Variants in CUL7 observed in about 807,000 individuals in gnomAD.
The protein encoded by CUL7 is cullin 7, also known as cullin-7.
Under a neutral mutation model 177.7 loss-of-function variants are expected in CUL7, and 96 were observed. The ratio of observed to expected loss-of-function variants is 0.54; its 90% CI spans 0.46 to 0.64. The LOEUF (loss-of-function observed/expected upper bound fraction) is 0.64. Ranked by LOEUF, CUL7 falls within the 30% of genes least tolerant of loss-of-function variation. The pLI is 0.00. For missense variants in CUL7, 1,893 were observed against 2,187.9 expected (o/e 0.87, Z 2.69); for synonymous variants, 824 against 890.2 (o/e 0.93, Z 1.32).
rs1287646028 is a variant in CUL7 at position 43,053,527 on chromosome 6, C to T, written c.-9+95G>A. On this transcript the variant is annotated intron_variant, in intron 1 of 25. Coordinates refer to ENST00000265348, the MANE Select transcript of CUL7 (RefSeq NM_014780.5). The surrounding 1 kb of genome is among the most constrained non-coding windows in gnomAD (Gnocchi z 4.1). ...CCCCATAAGCTAGAACCCCGAGGCACGGTAGGATGGGGACCGAGGTTGGGT... is the reference window on the plus strand; with the variant it reads ...CCCCATAAGCTAGAACCCCGAGGCATGGTAGGATGGGGACCGAGGTTGGGT... The T allele has an allele frequency of 1.2e-5, 10 of 842,372 alleles. No homozygotes were observed. Among genetic ancestry groups the T allele is most frequent in the South Asian group, 2.9e-5 (1 of 34,738 alleles). The allele number at this position is 842,372 out of a possible 1,614,324, so 52.2% of individuals were successfully genotyped here. A position where few individuals can be genotyped will look rare whatever the true frequency, so the allele number is the denominator to read the frequency against.
chr6:43,040,662 G>T lies in CUL7; in HGVS notation c.3891C>A (p.Pro1297=), dbSNP rs752779363. ...GCAACATCTGCTGGGGGAGGCGGTT[G>T]GGGAAGCAGGGACCGATCTGCTCCA... ...AVLEQIGPCF[P]NRLPQQMLQS... is the part of the protein sequence containing the mutation. Residue 1297 remains proline, a synonymous_variant, in exon 21 of 26, where the codon CCC becomes CCA. Coordinates refer to ENST00000265348, the MANE Select transcript of CUL7 (RefSeq NM_014780.5). The surrounding 1 kb of genome is among the most constrained non-coding windows in gnomAD (Gnocchi z 4.2). The T allele has an allele frequency of 6.2e-7, 1 of 1,614,194 alleles. No individual in the cohort carries two copies. Among genetic ancestry groups the T allele is most frequent in the Admixed American group, 1.7e-5 (1 of 60,024 alleles).
intron 19 of CUL7, among the ~76,000 whole-genome samples, chr6:43,042,148 GAGAA>G (rs886272487): frequency 2.0e-5 from 3 of 151,556 alleles, no homozygotes; most frequent in Non-Finnish European, 4.4e-5. Flanking sequence ...GGCAGGAAGG[GAGAA>G]AGAGAGAGAG....
chr6:43,046,542 G>T lies in CUL7; in HGVS notation c.2457C>A (p.Phe819Leu), dbSNP rs1232606103. ...RRTHQPINIPFFDVFLRYLCQ... is the reference protein window; with the variant it reads ...RRTHQPINIPLFDVFLRYLCQ... Reference sequence around the variant, plus strand: ...ACAGGTATCTGAGGAACACATCAAAGAAAGGGATGTTGATGGGTTGGTGGG... The same window carrying T: ...ACAGGTATCTGAGGAACACATCAAATAAAGGGATGTTGATGGGTTGGTGGG... The change falls in exon 11 of 26, where the codon TTC (phenylalanine) becomes TTA (leucine). Residue 819 changes from phenylalanine (F) to leucine (L), a missense_variant. Physicochemically the swap from Phe to Leu is conservative, Grantham distance 22. This residue lies in a region of CUL7 where 973 missense variants were observed against 1,140.9 expected (regional missense o/e 0.85). Coordinates refer to ENST00000265348, the MANE Select transcript of CUL7 (RefSeq NM_014780.5). 6.2e-7 allele frequency: 1 copy of T among 1,614,206 alleles called. No individual in the cohort carries two copies. Among genetic ancestry groups the T allele is most frequent in the Non-Finnish European group, 8.5e-7 (1 of 1,180,034 alleles).
At position 43,048,244 on chromosome 6, in the gene CUL7, C is replaced by T. The variant is rs985491922; in HGVS notation, c.2073G>A (p.Lys691=). The T allele has an allele frequency of 6.2e-7, 1 of 1,613,640 alleles. No individual in the cohort carries two copies. Among genetic ancestry groups the T allele is most frequent in the East Asian group, 2.2e-5 (1 of 44,878 alleles). ...GTGCCTCGGGGAAGTCCACCAGCTG[C>T]TTCAGGATTCTGGGGGCAGAGAAAT... ...TLHLTVLRIL[K]QLVDFPEALL... Residue 691 remains lysine (K), a synonymous_variant, in exon 9 of 26, where the codon AAG becomes AAA. Coordinates refer to ENST00000265348, the MANE Select transcript of CUL7 (RefSeq NM_014780.5).
chr6:43,041,481 G>A (rs768497823), intron 19 of CUL7, among the ~76,000 whole-genome samples: 4 of 151,994 alleles, frequency 2.6e-5, no homozygotes, highest in Admixed American at 2.0e-4. Flanking sequence ...GGTGGCACAC[G>A]CCTATGGTCC....
Position 43,048,580 on chromosome 6 carries a change from G to A in CUL7, c.1826-11C>T. 1 of 1,600,310 alleles carries A rather than the reference G, an allele frequency of 6.2e-7. No individual in the cohort carries two copies. The highest frequency in any genetic ancestry group is 8.6e-7 in the Non-Finnish European group (1 of 1,167,568). ...ATGGGGGTTCTTTTGCTACAGGAAG[G>A]GGACAGTCACAGGAGTTGGCCATTG... On this transcript the variant is annotated splice_polypyrimidine_tract_variant and intron_variant, in intron 7 of 25. Coordinates refer to ENST00000265348, the MANE Select transcript of CUL7 (RefSeq NM_014780.5).
chr6:43,040,355 C>G lies in CUL7; in HGVS notation c.4095G>C (p.Val1365=). ...CTTCCTCCTCTCCCTCCGCCACATCCACCACTGCTGCTGCCCCAGCTTCCT... is the reference window on the plus strand; with the variant it reads ...CTTCCTCCTCTCCCTCCGCCACATCGACCACTGCTGCTGCCCCAGCTTCCT... ...KEEEAGAAAV[V]DVAEGEEEEE... is the part of the protein sequence containing the mutation. The change falls in exon 22 of 26, where the codon GTG becomes GTC. Residue 1365 remains valine, a synonymous_variant. Transcript: ENST00000265348. This position sits in a 1 kb window ranked among gnomAD's most constrained non-coding sequence, Gnocchi z 4.2. 1 of 1,613,740 alleles carries G rather than the reference C, an allele frequency of 6.2e-7. No individual in the cohort carries two copies.
rs781604041 is a variant in CUL7 at position 43,038,058 on chromosome 6, C to A, written c.4774-47G>T. ...GAAGCGGTAGTTTAGAGGCAGCTGA[C>A]CCCTCCTTGCTTGAGCTTCCACTCC... On this transcript the variant is annotated intron_variant, in intron 25 of 25. Transcript: ENST00000265348. 6.4e-6 allele frequency: 10 copies of A among 1,556,106 alleles called. No homozygotes were observed. The African/African-American group carries it at 1.4e-4, about 21-fold the overall frequency.
chr6:43,038,286 A>G lies in CUL7; in HGVS notation c.4754T>C (p.Ile1585Thr). The G allele has an allele frequency of 2.5e-6, 4 of 1,614,126 alleles. No homozygotes were observed. The highest frequency in any genetic ancestry group is 2.2e-5 in the East Asian group (1 of 44,888). Residue 1585 changes from isoleucine to threonine, a missense_variant, in exon 25 of 26, where the codon ATT becomes ACT. Ile to Thr is a moderately conservative substitution (Grantham distance 89). Around this residue, in one of 5 missense-constraint regions of CUL7, gnomAD observed 248 missense variants for 262.5 expected, o/e 0.94. Transcript: ENST00000265348. ...LKAHGDEGLH[I>T]DQLVCLVLEA... ...GCCTACCAGACAGACAAGCTGGTCA[A>G]TGTGCAGCCCCTCATCTCCATGGGC...
At position 43,046,898 on chromosome 6, in the gene CUL7, G is replaced by A. The variant is rs1763962330; in HGVS notation, c.2379C>T (p.Ile793=). The A allele has an allele frequency of 3.7e-6, 6 of 1,605,312 alleles. No homozygotes were observed. The highest frequency in any genetic ancestry group is 5.1e-6 in the Non-Finnish European group (6 of 1,172,048). ...AHLYRKLITN[I]LGGCIQMVLG... ...TCCTGACCTGGATGCAGCCTCCCAGGATGTTGGTGATGAGTTTGCGGTAGA... is the reference window on the plus strand; with the variant it reads ...TCCTGACCTGGATGCAGCCTCCCAGAATGTTGGTGATGAGTTTGCGGTAGA... The change falls in exon 10 of 26, where the codon ATC becomes ATT. Residue 793 remains isoleucine, a synonymous_variant. Transcript: ENST00000265348.
intron 19 of CUL7, among the ~76,000 whole-genome samples, chr6:43,042,147 G>A (rs1763491534): frequency 6.6e-6 from 1 of 151,450 alleles, no homozygotes; most frequent in Non-Finnish European, 1.5e-5. Context: ...AGGCAGGAAG[G>A]GAGAAAGAGA....
In CUL7 at chr6:43,040,548, A is replaced by G; in HGVS notation, c.4005T>C (p.Asp1335=). Residue 1335 remains aspartate, a synonymous_variant, in exon 21 of 26, where the codon GAT becomes GAC. Transcript: ENST00000265348. The surrounding 1 kb of genome is among the most constrained non-coding windows in gnomAD (Gnocchi z 4.2). Reference sequence around the variant, plus strand: ...CACTCACCTGTATTTTCTTCTCTGTATCCTCCAGCTTCAGGAGTTCCTGAT... The same window carrying G: ...CACTCACCTGTATTTTCTTCTCTGTGTCCTCCAGCTTCAGGAGTTCCTGAT... ...QLDQELLKLE[D]TEKKIQVGLG... is the part of the protein sequence containing the mutation. 2 of 1,614,008 alleles carry G rather than the reference A, an allele frequency of 1.2e-6. No individual in the cohort carries two copies. The highest frequency in any genetic ancestry group is 2.2e-5 in the South Asian group (2 of 91,076).
intron 6 of CUL7, 121 bp from the exon 7 acceptor site, chr6:43,049,783 T>C (rs1764248435): frequency 6.9e-7 from 1 of 1,453,682 alleles, no homozygotes; most frequent in Admixed American, 1.7e-5. Flanking sequence ...CTCTCACAGC[T>C]GGCAGCTGGC....
At position 43,040,404 on chromosome 6, in the gene CUL7, T is replaced by TTGC. The variant is rs1561874161; in HGVS notation, c.4043_4045dup (p.Gly1348_Lys1349insSer). 1 of 1,612,916 alleles carries TTGC rather than the reference T, an allele frequency of 6.2e-7. No individual in the cohort carries two copies. The stretch of plus-strand genomic sequence containing the variant: ...CTCTTCCTTCTCGCTCTTGTGCTCC[T>TTGC]TGCCACTGGCCCCAAGGCCCACCTG... On this transcript the variant is annotated inframe_insertion, in exon 22 of 26. Transcript: ENST00000265348. This position sits in a 1 kb window ranked among gnomAD's most constrained non-coding sequence, Gnocchi z 4.2.
At position 43,045,999 on chromosome 6, in the gene CUL7, G is replaced by A. The variant is rs368479196; in HGVS notation, c.2753C>T (p.Thr918Met). The stretch of plus-strand genomic sequence containing the variant: ...CTGGGGTCCTACCGAGTTGAGTTCC[G>A]TGTGAAGAGAGCTAGTGCTATCACC... ...CGGDSTSSLH[T>M]ELNSVNVMPS... Residue 918 changes from threonine (T) to methionine (M), a missense_variant, in exon 13 of 26, where the codon ACG becomes ATG. Around this residue, in one of 5 missense-constraint regions of CUL7, gnomAD observed 973 missense variants for 1,140.9 expected, o/e 0.85. Coordinates refer to ENST00000265348, the MANE Select transcript of CUL7 (RefSeq NM_014780.5). This position sits in a 1 kb window ranked among gnomAD's most constrained non-coding sequence, Gnocchi z 4.8. 2.4e-5 allele frequency: 39 copies of A among 1,613,608 alleles called. No homozygotes were observed. In the African/African-American group the frequency reaches 2.7e-4, roughly 11 times the overall value.
At position 43,043,320 on chromosome 6, in the gene CUL7, C is replaced by G. The variant is rs1763612845; in HGVS notation, c.3355+128G>C. 1 of 1,219,648 alleles carries G rather than the reference C, an allele frequency of 8.2e-7. No homozygotes were observed. The highest frequency in any genetic ancestry group is 1.2e-6 in the Non-Finnish European group (1 of 836,976). 75.6% of individuals were successfully genotyped at this position (1,219,648 alleles called of 1,614,324 possible). A position where few individuals can be genotyped will look rare whatever the true frequency, so the allele number is the denominator to read the frequency against. On this transcript the variant is annotated intron_variant, in intron 17 of 25. Transcript: ENST00000265348. The surrounding 1 kb of genome is among the most constrained non-coding windows in gnomAD (Gnocchi z 4.2). ...GTTCATGGATGGAGGTGACACAAAC[C>G]TGGAAGATGAACAGGCTGAGCCCAT...
intron 10 of CUL7, 135 bp downstream of exon 10, chr6:43,046,745 G>C: frequency 7.3e-7 from 1 of 1,360,966 alleles, no homozygotes; most frequent in African/African-American, 1.4e-5. Flanking sequence ...GGGCAGAGGG[G>C]AAGGGGAACA....
At chr6:43,039,953 T>C (rs952783473) in intron 22 of CUL7, among the ~76,000 whole-genome samples, 4 of 152,132 alleles carry the variant, frequency 2.6e-5, no homozygotes, top group Non-Finnish European at 5.9e-5. Context: ...TGGCCAAGGC[T>C]GGTCTTGAAC....
At position 43,051,862 on chromosome 6, in the gene CUL7, CAAT is replaced by C. The variant is rs1212366687; in HGVS notation, c.581-102_581-100del. The C allele has an allele frequency of 3.4e-6, 5 of 1,463,218 alleles. No homozygotes were observed. The African/African-American group carries it at 7.0e-5, about 20-fold the overall frequency. 90.6% of individuals were successfully genotyped at this position (1,463,218 alleles called of 1,614,324 possible). A position where few individuals can be genotyped will look rare whatever the true frequency, so the allele number is the denominator to read the frequency against. On this transcript the variant is annotated intron_variant, in intron 2 of 25. Transcript: ENST00000265348. The surrounding 1 kb of genome is among the most constrained non-coding windows in gnomAD (Gnocchi z 5.0). ...TCAATCCAATCCTTTTGCCACCACA[CAAT>C]GAGAAAGAACTGATTTGCTTCAAAA... is the stretch of plus-strand genomic sequence containing the variant.
Sources: allele counts gnomAD v4.1 joint callset (sites outside exome capture counted in the v4.1 genomes callset), GRCh38; gene constraint gnomAD v4.1.1; regional missense constraint gnomAD v4.1.1; non-coding constraint Gnocchi (gnomAD v3.1); transcripts MANE v1.5; gene names NCBI Gene and HGNC (gene_info 2026-07-23, HGNC 2026-07-21).